The following CFAP299 variants were observed in gnomAD, a reference collection of about 807,000 sequenced individuals.
CFAP299 encodes the protein cilia and flagella associated protein 299.
CFAP299 carries 21 observed loss-of-function variants against 27.0 expected under a neutral mutation model. The observed-to-expected ratio is 0.78, with a 90% CI of 0.55 to 1.12. The LOEUF (loss-of-function observed/expected upper bound fraction) is 1.12, where lower values mean the gene tolerates loss of function less well. Ranked by LOEUF, CFAP299 falls within the 50% of genes most tolerant of loss-of-function variation. The probability of loss-of-function intolerance (pLI) is 0.00; values close to 1 mark genes in which losing one functional copy is unlikely to be tolerated. For missense variants in CFAP299, 310 were observed against 276.6 expected, an observed-to-expected ratio of 1.12 and a Z score of -0.86; for synonymous variants, 104 against 98.1, an observed-to-expected ratio of 1.06 and a Z score of -0.36.
chr4:80,818,291 A>G (rs1729526722), intron 3 of CFAP299, among the ~76,000 whole-genome samples: 1 of 152,060 alleles, frequency 6.6e-6, no homozygotes, highest in Non-Finnish European at 1.5e-5. Flanking sequence ...AGCCATCTTT[A>G]TTTCAATTTT....
intron 3 of CFAP299, among the ~76,000 whole-genome samples, chr4:80,684,222 T>C (rs1211256661): frequency 6.6e-6 from 1 of 152,016 alleles, no homozygotes; most frequent in Non-Finnish European, 1.5e-5. Context: ...TCTTAAGACT[T>C]TTTCTGTTCG....
chr4:80,644,346 T>C (rs769335115), intron 3 of CFAP299, among the ~76,000 whole-genome samples: 2 of 152,126 alleles, frequency 1.3e-5, no homozygotes, highest in Non-Finnish European at 2.9e-5. Flanking sequence ...TTTTCATTGT[T>C]TTATTGTTTC....
chr4:80,679,945 A>C (rs1222678886), intron 3 of CFAP299, among the ~76,000 whole-genome samples: 1 of 152,006 alleles, frequency 6.6e-6, no homozygotes, highest in Non-Finnish European at 1.5e-5. Flanking sequence ...TTCAGTTTTG[A>C]TGAGATCCAG....
intron 3 of CFAP299, among the ~76,000 whole-genome samples, chr4:80,774,164 T>C (rs1726385147): frequency 6.6e-6 from 1 of 151,954 alleles, no homozygotes; most frequent in Non-Finnish European, 1.5e-5. Flanking sequence ...ACTTAAAACC[T>C]TAAGTAAAAT....
At chr4:80,466,351 C>T (rs1037061424) in intron 2 of CFAP299, among the ~76,000 whole-genome samples, 3 of 152,014 alleles carry the variant, frequency 2.0e-5, no homozygotes, top group Non-Finnish European at 4.4e-5. Context: ...TTTATTTTAA[C>T]CCAAAGAACT....
chr4:80,583,743 T>C (rs957650423), intron 3 of CFAP299, among the ~76,000 whole-genome samples: 1 of 151,992 alleles, frequency 6.6e-6, no homozygotes, highest in Non-Finnish European at 1.5e-5. Flanking sequence ...AAAGATTTAC[T>C]TTCACACTTT....
At chr4:80,388,067 G>T in intron 2 of CFAP299, 1 of 689,162 alleles carries the variant, frequency 1.5e-6, no homozygotes, top group South Asian at 1.7e-5. Flanking sequence ...TCCACTCCCA[G>T]CCAGGAGTGC....
chr4:80,687,130 T>G (rs746302815), intron 3 of CFAP299, among the ~76,000 whole-genome samples: 4 of 152,204 alleles, frequency 2.6e-5, no homozygotes, highest in Non-Finnish European at 5.9e-5. Flanking sequence ...ATCTCCAATA[T>G]GAATCTCCAC....
In CFAP299 at chr4:80,590,551, T is replaced by G. The variant is rs191302394; in HGVS notation, c.333+7368T>G. ...ACTTGGGAGGCTGAGGCAGGAGAAT[T>G]GTTTGAACCCGGGAGGCGGAGGTTG... On this transcript the variant is annotated intron_variant, in intron 3 of 5. Transcript: ENST00000358105. 5.6e-3 allele frequency among the ~76,000 whole-genome samples: 855 copies of G among 152,136 alleles called. 8 individuals are homozygous for G. The highest frequency in any genetic ancestry group is 0.018 in the African/African-American group (747 of 41,504).
intron 3 of CFAP299, among the ~76,000 whole-genome samples, chr4:80,644,966 A>G (rs1175835567): frequency 6.6e-6 from 1 of 152,098 alleles, no homozygotes; most frequent in African/African-American, 2.4e-5. Flanking sequence ...CCTTCTTGTA[A>G]GATTTTATTA....
At chr4:80,944,720 T>A in intron 4 of CFAP299, 90 bp from the exon 5 acceptor site, 2 of 922,764 alleles carry the variant, frequency 2.2e-6, no homozygotes, top group African/African-American at 1.7e-5. Context: ...ACTTATCTTA[T>A]GACTGAACTT....
intron 3 of CFAP299, among the ~76,000 whole-genome samples, chr4:80,743,280 A>G (rs1724389049): frequency 6.6e-6 from 1 of 152,284 alleles, no homozygotes; most frequent in East Asian, 1.9e-4. Context: ...GCTAGACAAT[A>G]ACAAAAAAGT....
At chr4:80,915,705 A>G (rs1431913228) in intron 4 of CFAP299, among the ~76,000 whole-genome samples, 3 of 151,950 alleles carry the variant, frequency 2.0e-5, no homozygotes, top group South Asian at 2.1e-4. Context: ...TATTGTTTCT[A>G]TCATTACAGC....
intron 2 of CFAP299, among the ~76,000 whole-genome samples, chr4:80,499,518 CT>C (rs1264792111): frequency 6.6e-6 from 1 of 151,846 alleles, no homozygotes; most frequent in Non-Finnish European, 1.5e-5. Flanking sequence ...TAACATTTGC[CT>C]TGCTTATCTT....
intron 3 of CFAP299, among the ~76,000 whole-genome samples, chr4:80,724,752 T>C (rs1190211178): frequency 2.0e-5 from 3 of 152,150 alleles, no homozygotes; most frequent in Non-Finnish European, 2.9e-5. Context: ...TATTTCCTAA[T>C]GAATATTTCT....
At chr4:80,536,811 T>A (rs1364862795) in intron 2 of CFAP299, among the ~76,000 whole-genome samples, 4 of 152,088 alleles carry the variant, frequency 2.6e-5, no homozygotes, top group African/African-American at 9.7e-5. Context: ...GGCAATGAAT[T>A]TTTTGGATAT....
At chr4:80,336,730 C>T (rs1411649869) in intron 1 of CFAP299, 2 of 152,266 alleles carry the variant, frequency 1.3e-5, no homozygotes, top group Non-Finnish European at 2.9e-5. Context: ...CGGATAGGCC[C>T]ACTGAATGGA....
chr4:80,952,518 G>A (rs1737835956), intron 5 of CFAP299, among the ~76,000 whole-genome samples: 1 of 152,092 alleles, frequency 6.6e-6, no homozygotes, highest in Admixed American at 6.6e-5. Flanking sequence ...AGGTGCATGG[G>A]TAAATGAGAG....
chr4:80,435,417 A>G (rs1728018623), intron 2 of CFAP299, among the ~76,000 whole-genome samples: 2 of 152,228 alleles, frequency 1.3e-5, no homozygotes, highest in African/African-American at 4.8e-5. Context: ...ATATGGAACT[A>G]ATCCAAAACA....
Sources: gnomAD v4.1 joint callset for allele counts (sites outside exome capture counted in the v4.1 genomes callset) on GRCh38, gnomAD v4.1.1 for gene constraint, MANE v1.5 for transcripts, NCBI Gene and HGNC (gene_info 2026-07-23, HGNC 2026-07-21) for gene names.